RBCK1: variants seen among roughly 807,000 people sequenced by gnomAD.
RBCK1 encodes ranBP-type and C3HC4-type zinc finger-containing protein 1.
Under a neutral mutation model 71.1 loss-of-function variants are expected in RBCK1, and 44 were observed. The ratio of observed to expected loss-of-function variants is 0.62; its 90% CI spans 0.49 to 0.80. The LOEUF (loss-of-function observed/expected upper bound fraction) is 0.80. Among genes scored for constraint, RBCK1 ranks in the 30% least tolerant of loss-of-function variants. The pLI, the probability that RBCK1 is intolerant of heterozygous loss-of-function variation, is 0.00. For missense variants in RBCK1, 569 were observed against 685.0 expected (o/e 0.83, Z 1.89); for synonymous variants, 306 against 279.7 (o/e 1.09, Z -0.94).
chr20:426,379 T>A (rs560943976), intron 8 of RBCK1, among the ~76,000 whole-genome samples: 1 of 152,348 alleles, frequency 6.6e-6, no homozygotes, highest in South Asian at 2.1e-4. Context: ...CTGGTAAGCA[T>A]CCTTTTACTG....
intron 2 of RBCK1, chr20:410,488 C>T (rs765191996): frequency 4.9e-5 from 38 of 779,666 alleles, no homozygotes; most frequent in Non-Finnish European, 7.4e-5. Flanking sequence ...AAAGACACCC[C>T]TCCACACTCT....
intron 2 of RBCK1, among the ~76,000 whole-genome samples, chr20:416,177 A>G (rs2015975170): frequency 7.4e-6 from 1 of 135,124 alleles, no homozygotes; most frequent in South Asian, 2.3e-4. Flanking sequence ...TTTTTTTGAG[A>G]CAGAGTTTCA....
chr20:410,155 A>G, intron 2 of RBCK1, 130 bp downstream of exon 2: 1 of 1,048,406 alleles, frequency 9.5e-7, no homozygotes, highest in Non-Finnish European at 1.4e-6. Flanking sequence ...TATGTCATTA[A>G]TCAACTGTGA....
intron 8 of RBCK1, among the ~76,000 whole-genome samples, chr20:425,460 C>A (rs959574479): frequency 2.0e-5 from 3 of 152,200 alleles, no homozygotes; most frequent in Non-Finnish European, 4.4e-5. Flanking sequence ...TGATTTCTGC[C>A]TCATTGTAAC....
intron 6 of RBCK1, 72 bp downstream of exon 6, chr20:419,803 C>T: frequency 6.7e-7 from 1 of 1,483,308 alleles, no homozygotes; most frequent in Non-Finnish European, 9.0e-7. Flanking sequence ...AGGGAGACAC[C>T]TGCGCACTGC....
At chr20:418,397 C>G (rs2016123078) in intron 4 of RBCK1, among the ~76,000 whole-genome samples, 1 of 151,744 alleles carries the variant, frequency 6.6e-6, no homozygotes, top group African/African-American at 2.4e-5. Context: ...GAGACGGAGT[C>G]TCGCTCTGTC....
intron 6 of RBCK1, chr20:420,567 C>T (rs1170167624): frequency 2.0e-6 from 2 of 982,586 alleles, no homozygotes; most frequent in Admixed American, 6.2e-5. Context: ...TCTCACCTGG[C>T]GCCTTCCGTG....
At chr20:423,577 A>T (rs953474233) in intron 8 of RBCK1, among the ~76,000 whole-genome samples, 2 of 152,220 alleles carry the variant, frequency 1.3e-5, no homozygotes, top group African/African-American at 4.8e-5. Context: ...CATTTATGTT[A>T]TATTAGGTAT....
Position 417,400 on chromosome 20 carries a change from T to G in RBCK1, c.168-126T>G, listed in dbSNP as rs2016058186. The G allele has an allele frequency of 1.3e-6, 1 of 790,788 alleles. No homozygotes were observed. The highest frequency in any genetic ancestry group is 2.1e-6 in the Non-Finnish European group (1 of 465,950). 49.0% of individuals were successfully genotyped at this position (790,788 alleles called of 1,614,324 possible). ...GGCCTACCCCAGACTGGGGTTTGTG[T>G]GTGTGTGTGTGTGTGTGTGTGTGCA... is the stretch of plus-strand genomic sequence containing the variant. On this transcript the variant is annotated intron_variant, in intron 2 of 11. Transcript: ENST00000356286. The surrounding 1 kb of genome is among the most constrained non-coding windows in gnomAD (Gnocchi z 4.7).
chr20:421,135 G>C, intron 7 of RBCK1, 104 bp downstream of exon 7: 1 of 1,365,170 alleles, frequency 7.3e-7, no homozygotes, highest in Non-Finnish European at 9.7e-7. Context: ...CTCATTGGAC[G>C]CCCGCGAAAA....
intron 6 of RBCK1, chr20:420,259 G>A (rs1010118821): frequency 9.2e-6 from 9 of 981,830 alleles, no homozygotes; most frequent in African/African-American, 1.8e-5. Context: ...GATGACCCCC[G>A]ACCCCGGTCC....
Position 427,318 on chromosome 20 carries a change from G to C in RBCK1, c.1035G>C (p.Leu345=). The change falls in exon 9 of 12, where the codon CTG becomes CTC. Residue 345 remains leucine, a synonymous_variant. Coordinates refer to ENST00000356286, the MANE Select transcript of RBCK1 (RefSeq NM_031229.4). ...AGGACATGGTGTGTTGGCAGCTCCT[G>C]ACCCCTGAGGATTACCAGCGATTTC... ...KLLEREIKAL[L]TPEDYQRFLD... 2 of 1,613,962 alleles carry C rather than the reference G, an allele frequency of 1.2e-6. No homozygotes were observed. The highest frequency in any genetic ancestry group is 1.7e-6 in the Non-Finnish European group (2 of 1,179,960).
chr20:416,572 C>T (rs1399506608), intron 2 of RBCK1, among the ~76,000 whole-genome samples: 1 of 152,184 alleles, frequency 6.6e-6, no homozygotes, highest in Non-Finnish European at 1.5e-5. Flanking sequence ...TTGTTCCATA[C>T]CCTAAATGAT....
At chr20:415,955 AG>A in intron 2 of RBCK1, among the ~76,000 whole-genome samples, 1 of 152,318 alleles carries the variant, frequency 6.6e-6, no homozygotes, top group East Asian at 1.9e-4. Context: ...CACTACAGTG[AG>A]CGCAGCACCA....
intron 7 of RBCK1, 125 bp downstream of exon 7, chr20:421,156 A>C (rs949906646): frequency 8.3e-7 from 1 of 1,211,726 alleles, no homozygotes; most frequent in African/African-American, 1.5e-5. Context: ...CCTACGAGGT[A>C]GGCTCCGTCT....
intron 8 of RBCK1, among the ~76,000 whole-genome samples, chr20:425,176 A>G (rs2016642594): frequency 6.6e-6 from 1 of 152,102 alleles, no homozygotes; most frequent in Non-Finnish European, 1.5e-5. Flanking sequence ...ATGCCCAGCT[A>G]ATTTTTGTAT....
chr20:422,077 AG>A lies in RBCK1; in HGVS notation c.918-49del, dbSNP rs2016469306. On this transcript the variant is annotated intron_variant, in intron 7 of 11. Transcript: ENST00000356286. The surrounding 1 kb of genome is among the most constrained non-coding windows in gnomAD (Gnocchi z 5.0). ...TTGCCATGTGAGGGATGGAGTCCCC[AG>A]TGAAGGGGGTTCCTATGATCCTAAC... is the stretch of plus-strand genomic sequence containing the variant. The A allele has an allele frequency of 3.4e-6, 5 of 1,471,570 alleles. No individual in the cohort carries two copies. The highest frequency in any genetic ancestry group is 4.7e-6 in the Non-Finnish European group (5 of 1,063,124). 91.2% of individuals were successfully genotyped at this position (1,471,570 alleles called of 1,614,324 possible). A position where few individuals can be genotyped will look rare whatever the true frequency, so the allele number is the denominator to read the frequency against.
At position 422,193 on chromosome 20, in the gene RBCK1, C is replaced by T; in HGVS notation, c.984C>T (p.Asn328=). ...AGGTCTCCTGCCCCTTCATTGACAA[C>T]ACCTACTCGTGCTCGGGCAAGCTGC... is the stretch of plus-strand genomic sequence containing the variant. ...EAEVSCPFID[N]TYSCSGKLLE... is the part of the protein sequence containing the mutation. Residue 328 remains asparagine (N), a synonymous_variant, in exon 8 of 12, where the codon AAC becomes AAT. Transcript: ENST00000356286. This position sits in a 1 kb window ranked among gnomAD's most constrained non-coding sequence, Gnocchi z 5.0. 6.2e-7 allele frequency: 1 copy of T among 1,613,444 alleles called. No homozygotes were observed. The highest frequency in any genetic ancestry group is 2.2e-5 in the East Asian group (1 of 44,886).
chr20:421,106 G>T, intron 7 of RBCK1, 75 bp downstream of exon 7: 1 of 1,453,204 alleles, frequency 6.9e-7, no homozygotes, highest in Non-Finnish European at 9.1e-7. Context: ...GACGTGGGTG[G>T]GGCCCTGTGC....
Sources: allele counts gnomAD v4.1 joint callset (sites outside exome capture counted in the v4.1 genomes callset), GRCh38; gene constraint gnomAD v4.1.1; non-coding constraint Gnocchi (gnomAD v3.1); transcripts MANE v1.5; gene names NCBI Gene and HGNC (gene_info 2026-07-23, HGNC 2026-07-21).